The following KLHL32 variants were observed in gnomAD, a reference collection of about 807,000 sequenced individuals.
The protein encoded by KLHL32 is kelch like family member 32, also known as kelch-like protein 32.
In KLHL32, 35 loss-of-function variants were observed where a neutral mutation model predicts 64.8. That is an observed-to-expected ratio of 0.54 (90% confidence interval 0.41 to 0.72). The LOEUF (loss-of-function observed/expected upper bound fraction) is 0.72, where lower values mean the gene tolerates loss of function less well. Ranked by LOEUF, KLHL32 falls within the 30% of genes least tolerant of loss-of-function variation. The pLI is 0.00. For synonymous variants in KLHL32, 259 were observed against 281.0 expected, an observed-to-expected ratio of 0.92 and a Z score of 0.78; for missense variants, 589 against 768.5, an observed-to-expected ratio of 0.77 and a Z score of 2.76.
At chr6:96,957,250 C>T (rs60002102) in intron 1 of KLHL32, among the ~76,000 whole-genome samples, 10,017 of 152,170 alleles carry the variant, frequency 0.066, 343 homozygotes, top group South Asian at 0.12. Flanking sequence ...GTCTGGATTA[C>T]ATCTAGATCA....
intron 3 of KLHL32, among the ~76,000 whole-genome samples, chr6:97,008,150 G>C (rs991527814): frequency 6.6e-6 from 1 of 152,156 alleles, no homozygotes; most frequent in African/African-American, 2.4e-5. Flanking sequence ...TGGTGGCATG[G>C]GGTTGGGTGT....
intron 4 of KLHL32, among the ~76,000 whole-genome samples, chr6:97,059,756 TTC>T (rs1283021358): frequency 2.6e-5 from 4 of 152,234 alleles, no homozygotes; most frequent in Non-Finnish European, 4.4e-5. Context: ...TCTGTGAGAA[TTC>T]TGTCATAAAT....
At chr6:96,933,019 T>G (rs2127992052) in intron 1 of KLHL32, among the ~76,000 whole-genome samples, 1 of 152,352 alleles carries the variant, frequency 6.6e-6, no homozygotes, top group East Asian at 1.9e-4. Context: ...CCAAGGGGTT[T>G]GCAGATGTGG....
At position 96,944,253 on chromosome 6, in the gene KLHL32, A is replaced by C. The variant is rs537152752; in HGVS notation, c.-66+19227A>C. 9.2e-5 allele frequency among the ~76,000 whole-genome samples: 14 copies of C among 152,378 alleles called. No homozygotes were observed. The South Asian group carries it at 2.9e-3, about 32-fold the overall frequency. On this transcript the variant is annotated intron_variant, in intron 1 of 10. Coordinates refer to ENST00000369261, the MANE Select transcript of KLHL32 (RefSeq NM_052904.4). ...GAGGCATGCATGAATTCAAGGTATC[A>C]GAATAAAAGGCACTATCTAAAAGAG...
chr6:96,911,669 A>T, the KLHL32 span, among the ~76,000 whole-genome samples: 1 of 152,150 alleles, frequency 6.6e-6, no homozygotes, highest in Admixed American at 6.5e-5. Context: ...CTTTAAAGAA[A>T]GTACTGCAAA....
At chr6:97,054,675 G>A (rs1787507800) in intron 4 of KLHL32, among the ~76,000 whole-genome samples, 1 of 152,180 alleles carries the variant, frequency 6.6e-6, no homozygotes, top group Admixed American at 6.5e-5. Context: ...TACTTTGCAG[G>A]AAGAAAATAA....
At chr6:97,094,910 T>A (rs1583008100) in intron 6 of KLHL32, among the ~76,000 whole-genome samples, 1 of 152,232 alleles carries the variant, frequency 6.6e-6, no homozygotes, top group South Asian at 2.1e-4. Context: ...ACAAGGAAAT[T>A]GGGTAATTAA....
intron 3 of KLHL32, 51 bp from the exon 4 acceptor site, chr6:97,041,441 T>C: frequency 8.1e-7 from 1 of 1,232,654 alleles, no homozygotes; most frequent in South Asian, 1.2e-5. Flanking sequence ...TTTGTCTTGC[T>C]CCCTTGCTGT....
At chr6:96,987,400 G>T (rs919271286) in intron 3 of KLHL32, among the ~76,000 whole-genome samples, 2 of 152,042 alleles carry the variant, frequency 1.3e-5, no homozygotes, top group African/African-American at 4.8e-5. Context: ...AGAGATTCTG[G>T]TATGTTGTGT....
chr6:97,119,333 GAGA>G (rs796340021), intron 7 of KLHL32, among the ~76,000 whole-genome samples: 14 of 152,260 alleles, frequency 9.2e-5, no homozygotes, highest in African/African-American at 3.1e-4. Context: ...CAGACTCAGA[GAGA>G]AGATCTTTCC....
intron 6 of KLHL32, among the ~76,000 whole-genome samples, chr6:97,113,102 C>T (rs1797376703): frequency 6.6e-6 from 1 of 152,054 alleles, no homozygotes; most frequent in Non-Finnish European, 1.5e-5. Context: ...TAACAAATTT[C>T]CAGTATCTTA....
intron 1 of KLHL32, among the ~76,000 whole-genome samples, chr6:96,930,076 C>T (rs1414762336): frequency 2.0e-5 from 3 of 152,126 alleles, no homozygotes; most frequent in East Asian, 3.8e-4. Context: ...CTCCCTTCCC[C>T]ACCCAGATGA....
chr6:96,989,261 C>T (rs1458880091), intron 3 of KLHL32, among the ~76,000 whole-genome samples: 2 of 152,184 alleles, frequency 1.3e-5, no homozygotes, highest in East Asian at 1.9e-4. Flanking sequence ...ATATTTAGCA[C>T]TCCCTTAAGT....
At chr6:96,912,425 T>G in the KLHL32 span, among the ~76,000 whole-genome samples, 1 of 152,164 alleles carries the variant, frequency 6.6e-6, no homozygotes, top group Non-Finnish European at 1.5e-5. Context: ...GTCAATAAGT[T>G]TCCTCTTTTC....
At chr6:96,984,335 A>G (rs113199829) in intron 3 of KLHL32, among the ~76,000 whole-genome samples, 1,688 of 152,286 alleles carry the variant, frequency 0.011, 41 homozygotes, top group African/African-American at 0.039. Context: ...GCAGTGTGGC[A>G]CTGAGAAGAA....
chr6:96,996,858 G>T (rs1447020650), intron 3 of KLHL32, among the ~76,000 whole-genome samples: 1 of 152,096 alleles, frequency 6.6e-6, no homozygotes, highest in East Asian at 1.9e-4. Context: ...TAAAAATAAA[G>T]AACAGGAAGC....
chr6:96,957,617 T>C (rs1329908817), intron 1 of KLHL32, among the ~76,000 whole-genome samples: 5 of 152,112 alleles, frequency 3.3e-5, no homozygotes, highest in Non-Finnish European at 5.9e-5. Context: ...TAATTGCAGG[T>C]TAGGTTATTT....
intron 3 of KLHL32, among the ~76,000 whole-genome samples, chr6:97,037,470 A>T (rs1313765448): frequency 2.0e-5 from 3 of 152,196 alleles, no homozygotes; most frequent in Non-Finnish European, 4.4e-5. Context: ...CTAGGAATCA[A>T]TTTAACCAAA....
chr6:96,946,906 G>C (rs1771988575), intron 1 of KLHL32, among the ~76,000 whole-genome samples: 1 of 152,144 alleles, frequency 6.6e-6, no homozygotes, highest in South Asian at 2.1e-4. Flanking sequence ...CATAAAATGA[G>C]CTGTGAATTG....
Sources: allele counts gnomAD v4.1 joint callset (sites outside exome capture counted in the v4.1 genomes callset), GRCh38; gene constraint gnomAD v4.1.1; transcripts MANE v1.5; gene names NCBI Gene and HGNC (gene_info 2026-07-23, HGNC 2026-07-21).